The following CPXM2 variants were observed in gnomAD, a reference collection of about 807,000 sequenced individuals.
CPXM2 encodes inactive carboxypeptidase-like protein X2.
Under a neutral mutation model 86.1 loss-of-function variants are expected in CPXM2, and 66 were observed. The ratio of observed to expected loss-of-function variants is 0.77; its 90% confidence interval spans 0.63 to 0.94. The LOEUF (loss-of-function observed/expected upper bound fraction) is 0.94. Among genes scored for constraint, CPXM2 ranks in the 40% least tolerant of loss-of-function variants. CPXM2 has a pLI of 0.00. For missense variants in CPXM2, 948 were observed against 1,026.3 expected (o/e 0.92, Z 1.04); for synonymous variants, 388 against 400.2 (o/e 0.97, Z 0.36).
At position 123,821,323 on chromosome 10, in the gene CPXM2, G is replaced by T. The variant is rs78413127; in HGVS notation, c.653+21026C>A. 4.6e-3 allele frequency among the ~76,000 whole-genome samples: 696 copies of T among 152,260 alleles called. 9 individuals carry two copies. The highest frequency in any genetic ancestry group is 4.6e-3 in the Non-Finnish European group (312 of 68,022). On this transcript the variant is annotated intron_variant, in intron 4 of 13. Coordinates refer to ENST00000241305, the MANE Select transcript of CPXM2 (RefSeq NM_198148.3). ...TCATGGTCCACTTACCATAATTAGG[G>T]TTTCCTGGTACTTCTCAAAACATTC...
chr10:123,829,600 G>C (rs7067582), intron 4 of CPXM2, among the ~76,000 whole-genome samples: 1 of 151,766 alleles, frequency 6.6e-6, no homozygotes, highest in African/African-American at 2.4e-5. Flanking sequence ...TTCTCCCTCA[G>C]TCCCTCAAGT....
chr10:123,867,897 C>G (rs1010005040), intron 2 of CPXM2, among the ~76,000 whole-genome samples: 2 of 152,150 alleles, frequency 1.3e-5, no homozygotes, highest in Non-Finnish European at 2.9e-5. Context: ...TGCTCCTCCC[C>G]CTTGGGTTCT....
At chr10:123,924,872 G>T (rs972035311) in intron 2 of CPXM2, among the ~76,000 whole-genome samples, 2 of 151,342 alleles carry the variant, frequency 1.3e-5, no homozygotes, top group African/African-American at 4.9e-5. Context: ...AGGAATCAGG[G>T]TCAAAGACCC....
intron 7 of CPXM2, among the ~76,000 whole-genome samples, chr10:123,771,447 G>A (rs913578882): frequency 1.3e-5 from 2 of 152,128 alleles, no homozygotes; most frequent in African/African-American, 4.8e-5. Context: ...CCTTACGAAA[G>A]AGGCCCAAAG....
In CPXM2 at chr10:123,877,800, T is replaced by A. The variant is rs910919587; in HGVS notation, c.403+2411A>T. ...AAGGTAGTTTGATACTTGCCACAGCTGACACTACTCCTTAATCACAGTGAC... is the reference window on the plus strand; with the variant it reads ...AAGGTAGTTTGATACTTGCCACAGCAGACACTACTCCTTAATCACAGTGAC... On this transcript the variant is annotated intron_variant, in intron 2 of 13. Transcript: ENST00000241305. Among the ~76,000 whole-genome samples, 5 of 152,260 alleles carry A rather than the reference T, an allele frequency of 3.3e-5. No homozygotes were observed. The South Asian group carries it at 6.2e-4, about 19-fold the overall frequency.
chr10:123,893,027 C>G (rs1008895764), upstream of CPXM2, among the ~76,000 whole-genome samples: 1 of 152,210 alleles, frequency 6.6e-6, no homozygotes, highest in African/African-American at 2.4e-5. Context: ...AATAGATGGG[C>G]CCACCCAAAA....
At chr10:123,810,825 A>G (rs1270369748) in intron 4 of CPXM2, among the ~76,000 whole-genome samples, 1 of 152,176 alleles carries the variant, frequency 6.6e-6, no homozygotes, top group Non-Finnish European at 1.5e-5. Flanking sequence ...GAAAGAATAA[A>G]GCCCAAAATA....
chr10:123,889,509 C>T (rs1945232768), intron 1 of CPXM2, among the ~76,000 whole-genome samples: 1 of 152,152 alleles, frequency 6.6e-6, no homozygotes, highest in African/African-American at 2.4e-5. Flanking sequence ...CTTGCTCTCC[C>T]CATTCCTAGG....
chr10:123,841,942 A>G (rs943993798), intron 4 of CPXM2, among the ~76,000 whole-genome samples: 3 of 152,184 alleles, frequency 2.0e-5, no homozygotes, highest in Non-Finnish European at 1.5e-5. Flanking sequence ...CCTTCTTTCC[A>G]GGATCTGGAC....
intron 2 of CPXM2, among the ~76,000 whole-genome samples, chr10:123,866,286 G>A (rs528309683): frequency 1.1e-4 from 17 of 152,242 alleles, no homozygotes; most frequent in African/African-American, 3.1e-4. Context: ...ATTCAGGACC[G>A]GGTGCGGTGG....
At chr10:123,935,046 C>T (rs184478260) in intron 2 of CPXM2, among the ~76,000 whole-genome samples, 14 of 152,270 alleles carry the variant, frequency 9.2e-5, no homozygotes, top group East Asian at 3.9e-4. Context: ...CCAGCTCCAG[C>T]GTTGATTAGC....
intron 13 of CPXM2, chr10:123,750,161 C>T: frequency 2.0e-6 from 2 of 985,292 alleles, no homozygotes; most frequent in Non-Finnish European, 2.4e-6. Context: ...TACTAATTTT[C>T]AAGAAATTTG....
upstream of CPXM2, among the ~76,000 whole-genome samples, chr10:123,943,754 C>T (rs1945798869): frequency 6.6e-6 from 1 of 152,170 alleles, no homozygotes; most frequent in African/African-American, 2.4e-5. Context: ...TACGGTGGGG[C>T]TGTCTGGCGC....
rs112799172 is a variant in CPXM2, at chr10:123,865,722, A to G, written c.404-2999T>C. 7.9e-4 allele frequency among the ~76,000 whole-genome samples: 121 copies of G among 152,292 alleles called. No homozygotes were observed. Among genetic ancestry groups the G allele is most frequent in the African/African-American group, 2.9e-3 (121 of 41,558 alleles). ...CATGGGGCACGGGACGGGCACCTGCAGCTACTGCCCAGAGCTGAGGGTGAA... is the reference window on the plus strand; with the variant it reads ...CATGGGGCACGGGACGGGCACCTGCGGCTACTGCCCAGAGCTGAGGGTGAA... On this transcript the variant is annotated intron_variant, in intron 2 of 13. Coordinates refer to ENST00000241305, the MANE Select transcript of CPXM2 (RefSeq NM_198148.3). The surrounding 1 kb of genome is among the most constrained non-coding windows in gnomAD (Gnocchi z 4.7).
At chr10:123,837,872 C>T (rs1398195468) in intron 4 of CPXM2, among the ~76,000 whole-genome samples, 1 of 152,148 alleles carries the variant, frequency 6.6e-6, no homozygotes, top group Non-Finnish European at 1.5e-5. Flanking sequence ...TGTGTCAGGA[C>T]TGCGGTGGCT....
intron 6 of CPXM2, among the ~76,000 whole-genome samples, chr10:123,787,163 T>G (rs1424111116): frequency 2.0e-5 from 3 of 152,098 alleles, no homozygotes; most frequent in Non-Finnish European, 4.4e-5. Flanking sequence ...CAGTTCCCCA[T>G]GCAGCTGGGC....
upstream of CPXM2, among the ~76,000 whole-genome samples, chr10:123,941,260 T>G (rs1336215426): frequency 6.6e-6 from 1 of 152,256 alleles, no homozygotes; most frequent in East Asian, 1.9e-4. Flanking sequence ...GATCAAGGTG[T>G]GGCTAGGGCC....
intron 2 of CPXM2, among the ~76,000 whole-genome samples, chr10:123,924,408 A>G (rs116540567): frequency 6.6e-6 from 1 of 152,202 alleles, no homozygotes; most frequent in African/African-American, 2.4e-5. Context: ...TGCAGAACTC[A>G]GGGAGATGCC....
At chr10:123,819,296 C>G (rs1590035176) in intron 4 of CPXM2, among the ~76,000 whole-genome samples, 1 of 152,224 alleles carries the variant, frequency 6.6e-6, no homozygotes, top group South Asian at 2.1e-4. Flanking sequence ...TACAACAGCC[C>G]AATCCAGGCA....
Sources: gnomAD v4.1 joint callset for allele counts (sites outside exome capture counted in the v4.1 genomes callset) on GRCh38, gnomAD v4.1.1 for gene constraint, Gnocchi (gnomAD v3.1) non-coding constraint, MANE v1.5 for transcripts, NCBI Gene and HGNC (gene_info 2026-07-23, HGNC 2026-07-21) for gene names.